PPARGC1A: variants seen among roughly 807,000 people sequenced by gnomAD.
PPARGC1A encodes the protein peroxisome proliferator-activated receptor gamma coactivator 1-alpha.
Under a neutral mutation model 88.7 loss-of-function variants are expected in PPARGC1A, and 25 were observed. The observed-to-expected ratio is 0.28, with a 90% CI of 0.21 to 0.39. The LOEUF (loss-of-function observed/expected upper bound fraction) is 0.39. Ranked by LOEUF, PPARGC1A falls within the 10% of genes least tolerant of loss-of-function variation. The pLI is 1.00. For synonymous variants in PPARGC1A, 363 were observed against 355.6 expected (o/e 1.02, Z -0.24); for missense variants, 880 against 968.7 (o/e 0.91, Z 1.22).
chr4:23,944,343 T>C, the PPARGC1A span, among the ~76,000 whole-genome samples: 1 of 152,188 alleles, frequency 6.6e-6, no homozygotes, highest in Non-Finnish European at 1.5e-5. Flanking sequence ...TGCTACTCTG[T>C]CCTCCAAAGC....
At chr4:23,846,373 T>C (rs915843113) in intron 2 of PPARGC1A, among the ~76,000 whole-genome samples, 1 of 152,214 alleles carries the variant, frequency 6.6e-6, no homozygotes, top group Non-Finnish European at 1.5e-5. Flanking sequence ...TACATCTGTT[T>C]TGGAACTATT....
the PPARGC1A span, among the ~76,000 whole-genome samples, chr4:23,927,622 T>C: frequency 7.9e-5 from 12 of 152,190 alleles, no homozygotes; most frequent in African/African-American, 2.9e-4. Flanking sequence ...AGGTGCTTTG[T>C]ATGTCTGACT....
At chr4:24,263,955 T>A in the PPARGC1A span, among the ~76,000 whole-genome samples, 1 of 151,950 alleles carries the variant, frequency 6.6e-6, no homozygotes, top group Non-Finnish European at 1.5e-5. Flanking sequence ...TCATCATTTT[T>A]CCCAGGCTGA....
chr4:23,833,165 T>C (rs1447490321), intron 2 of PPARGC1A, among the ~76,000 whole-genome samples: 2 of 152,222 alleles, frequency 1.3e-5, no homozygotes, highest in Non-Finnish European at 2.9e-5. Flanking sequence ...ATAATATTTA[T>C]TTCAGTACTC....
chr4:24,296,438 A>G, the PPARGC1A span, among the ~76,000 whole-genome samples: 3 of 152,234 alleles, frequency 2.0e-5, no homozygotes, highest in East Asian at 5.8e-4. Flanking sequence ...TCTCCAAAGA[A>G]CTTAGGTTGC....
the PPARGC1A span, among the ~76,000 whole-genome samples, chr4:24,032,405 G>A: frequency 6.6e-6 from 1 of 152,148 alleles, no homozygotes; most frequent in Non-Finnish European, 1.5e-5. Context: ...CTGTCATGGT[G>A]TTCATAGAGC....
At chr4:24,129,648 T>C in the PPARGC1A span, among the ~76,000 whole-genome samples, 2 of 152,208 alleles carry the variant, frequency 1.3e-5, no homozygotes, top group Non-Finnish European at 2.9e-5. Context: ...TTACTGGGTA[T>C]ATACCCAAAG....
At chr4:24,260,266 C>A in the PPARGC1A span, among the ~76,000 whole-genome samples, 1 of 152,204 alleles carries the variant, frequency 6.6e-6, no homozygotes, top group African/African-American at 2.4e-5. Flanking sequence ...TTTGGACACA[C>A]AACACAGTGA....
At chr4:24,239,039 C>T in the PPARGC1A span, among the ~76,000 whole-genome samples, 2 of 152,056 alleles carry the variant, frequency 1.3e-5, no homozygotes, top group Non-Finnish European at 2.9e-5. Flanking sequence ...GCACATATAG[C>T]ATTTTTAGAC....
At chr4:23,864,777 T>C (rs1013667782) in intron 2 of PPARGC1A, among the ~76,000 whole-genome samples, 2 of 152,144 alleles carry the variant, frequency 1.3e-5, no homozygotes, top group Admixed American at 6.5e-5. Context: ...GTGCTAAAGA[T>C]TAACAGCCCG....
the PPARGC1A span, among the ~76,000 whole-genome samples, chr4:23,935,798 A>G: frequency 6.6e-6 from 1 of 152,328 alleles, no homozygotes; most frequent in South Asian, 2.1e-4. Context: ...ACTCAGTGCT[A>G]TCTGAATCCA....
the PPARGC1A span, among the ~76,000 whole-genome samples, chr4:24,275,825 A>G: frequency 6.6e-6 from 1 of 152,210 alleles, no homozygotes; most frequent in Non-Finnish European, 1.5e-5. Flanking sequence ...ATGCACTGCC[A>G]ATACAAATGC....
At chr4:24,385,332 A>G in the PPARGC1A span, among the ~76,000 whole-genome samples, 265 of 152,332 alleles carry the variant, frequency 1.7e-3, 1 homozygote, top group Non-Finnish European at 2.2e-3. Flanking sequence ...AATTGAAAGA[A>G]CTAGAGAAGC....
At chr4:23,845,081 A>C (rs1728079721) in intron 2 of PPARGC1A, among the ~76,000 whole-genome samples, 1 of 151,532 alleles carries the variant, frequency 6.6e-6, no homozygotes, top group Non-Finnish European at 1.5e-5. Context: ...TGATAGGCAA[A>C]ATATTTAACA....
the PPARGC1A span, among the ~76,000 whole-genome samples, chr4:24,006,753 G>C: frequency 2.0e-5 from 3 of 152,118 alleles, no homozygotes; most frequent in South Asian, 2.1e-4. Flanking sequence ...CAAGGATCTC[G>C]TGTGTAGCTA....
the PPARGC1A span, among the ~76,000 whole-genome samples, chr4:24,098,494 A>T: frequency 6.6e-6 from 1 of 152,232 alleles, no homozygotes; most frequent in African/African-American, 2.4e-5. Context: ...AACATAATAA[A>T]CCAGGAAGGA....
At chr4:24,393,838 G>T in the PPARGC1A span, among the ~76,000 whole-genome samples, 1 of 152,008 alleles carries the variant, frequency 6.6e-6, no homozygotes, top group Non-Finnish European at 1.5e-5. Context: ...GAAAATTTTC[G>T]CCGGGCATAG....
chr4:24,082,609 C>T, the PPARGC1A span, among the ~76,000 whole-genome samples: 1 of 152,134 alleles, frequency 6.6e-6, no homozygotes, highest in Non-Finnish European at 1.5e-5. Context: ...GGATTTCACA[C>T]TTCTTTTGAC....
the PPARGC1A span, among the ~76,000 whole-genome samples, chr4:24,000,680 T>C: frequency 3.3e-5 from 5 of 152,214 alleles, no homozygotes; most frequent in African/African-American, 4.8e-5. Context: ...ACAGGACTTA[T>C]TGGATTCCCT....
Sources: gnomAD v4.1 joint callset for allele counts (sites outside exome capture counted in the v4.1 genomes callset) on GRCh38, gnomAD v4.1.1 for gene constraint, MANE v1.5 for transcripts, NCBI Gene and HGNC (gene_info 2026-07-23, HGNC 2026-07-21) for gene names.